Variants in LRRTM4 observed in about 807,000 individuals in gnomAD.
The protein encoded by LRRTM4 is leucine rich repeat transmembrane neuronal 4.
LRRTM4 carries 25 observed loss-of-function variants against 47.6 expected under a neutral mutation model. The ratio of observed to expected loss-of-function variants is 0.53; its 90% CI spans 0.38 to 0.73. LRRTM4 has a LOEUF of 0.73. Ranked by LOEUF, LRRTM4 falls within the 30% of genes least tolerant of loss-of-function variation. The pLI is 0.00. For synonymous variants in LRRTM4, 311 were observed against 269.5 expected, an observed-to-expected ratio of 1.15 and a Z score of -1.51; for missense variants, 638 against 713.4, an observed-to-expected ratio of 0.89 and a Z score of 1.20.
chr2:77,499,006 G>A (rs950972276), intron 3 of LRRTM4, among the ~76,000 whole-genome samples: 3 of 151,846 alleles, frequency 2.0e-5, no homozygotes, highest in African/African-American at 4.8e-5. Context: ...GAATGCAAGT[G>A]AACCTTCCTT....
chr2:76,795,495 C>A (rs1379011112), intron 3 of LRRTM4, among the ~76,000 whole-genome samples: 1 of 151,986 alleles, frequency 6.6e-6, no homozygotes, highest in Non-Finnish European at 1.5e-5. Context: ...TGTTAATAAT[C>A]TGGTGAGTAT....
At chr2:77,498,045 C>A (rs1206052313) in intron 3 of LRRTM4, among the ~76,000 whole-genome samples, 1 of 151,716 alleles carries the variant, frequency 6.6e-6, no homozygotes, top group Admixed American at 6.6e-5. Flanking sequence ...CATGGCAGGG[C>A]TAGTGTTTAA....
At chr2:77,377,341 G>T (rs977132162) in intron 3 of LRRTM4, among the ~76,000 whole-genome samples, 4 of 151,792 alleles carry the variant, frequency 2.6e-5, no homozygotes, top group African/African-American at 4.8e-5. Context: ...GCTCACTATT[G>T]ATATGTGTAT....
At chr2:77,368,777 T>A (rs1311891292) in intron 3 of LRRTM4, among the ~76,000 whole-genome samples, 1 of 151,728 alleles carries the variant, frequency 6.6e-6, no homozygotes, top group East Asian at 1.9e-4. Flanking sequence ...ACGTATCGGC[T>A]GTAGTGAATA....
intron 3 of LRRTM4, among the ~76,000 whole-genome samples, chr2:77,459,376 G>T (rs1676687217): frequency 6.6e-6 from 1 of 152,136 alleles, no homozygotes; most frequent in Non-Finnish European, 1.5e-5. Context: ...ATTAAAATTA[G>T]AATTATTTTC....
At chr2:77,467,476 T>C (rs1204023086) in intron 3 of LRRTM4, among the ~76,000 whole-genome samples, 1 of 152,160 alleles carries the variant, frequency 6.6e-6, no homozygotes, top group African/African-American at 2.4e-5. Flanking sequence ...TGGATGAAAT[T>C]CCACTTCAGA....
At chr2:77,080,962 C>A (rs943970926) in intron 3 of LRRTM4, among the ~76,000 whole-genome samples, 5 of 152,154 alleles carry the variant, frequency 3.3e-5, no homozygotes, top group Non-Finnish European at 7.4e-5. Flanking sequence ...CACATCCCCA[C>A]TTCCCAACCA....
intron 3 of LRRTM4, among the ~76,000 whole-genome samples, chr2:76,924,944 C>A (rs1674542339): frequency 6.6e-6 from 1 of 152,076 alleles, no homozygotes; most frequent in African/African-American, 2.4e-5. Flanking sequence ...AAGCACAGTT[C>A]CAGGAAGACC....
At position 77,438,519 on chromosome 2, in the gene LRRTM4, T is replaced by G. The variant is rs559277445; in HGVS notation, c.1551+79799A>C. ...CCTCCCGGGTTCACGCCATTCTCCT[T>G]CCTCAGCCTCCCGAATAGCTGGGAC... On this transcript the variant is annotated intron_variant, in intron 3 of 3. Transcript: ENST00000409884. Among the ~76,000 whole-genome samples, 242 of 149,284 alleles carry G rather than the reference T, an allele frequency of 1.6e-3. 2 individuals carry two copies. Among genetic ancestry groups the G allele is most frequent in the African/African-American group, 2.2e-3 (87 of 40,354 alleles).
chr2:76,783,547 C>T (rs1674509653), intron 3 of LRRTM4, among the ~76,000 whole-genome samples: 1 of 152,124 alleles, frequency 6.6e-6, no homozygotes, highest in African/African-American at 2.4e-5. Context: ...CCCGTATTCT[C>T]CCTCCCTGGC....
At chr2:76,800,129 G>A (rs1262232651) in intron 3 of LRRTM4, among the ~76,000 whole-genome samples, 1 of 145,898 alleles carries the variant, frequency 6.9e-6, no homozygotes, top group African/African-American at 2.5e-5. Flanking sequence ...AACCAAAAAA[G>A]AGCCCGCATC....
chr2:77,204,651 C>T (rs1674070241), intron 3 of LRRTM4, among the ~76,000 whole-genome samples: 1 of 152,134 alleles, frequency 6.6e-6, no homozygotes, highest in Non-Finnish European at 1.5e-5. Flanking sequence ...GATATTCTGC[C>T]ATTCCCAAAT....
At chr2:77,063,956 A>G (rs1385508848) in intron 3 of LRRTM4, among the ~76,000 whole-genome samples, 1 of 152,142 alleles carries the variant, frequency 6.6e-6, no homozygotes, top group African/African-American at 2.4e-5. Flanking sequence ...ATTTGGAAAA[A>G]TAGATTCAAA....
chr2:77,023,806 C>A (rs1024088039), intron 3 of LRRTM4, among the ~76,000 whole-genome samples: 1 of 152,164 alleles, frequency 6.6e-6, no homozygotes, highest in Non-Finnish European at 1.5e-5. Context: ...TTGGGCCCTC[C>A]AAACTGTTCC....
At chr2:77,381,250 C>T (rs1673039971) in intron 3 of LRRTM4, among the ~76,000 whole-genome samples, 1 of 151,760 alleles carries the variant, frequency 6.6e-6, no homozygotes, top group South Asian at 2.1e-4. Context: ...TTGAAAGCAC[C>T]AAAAATACAT....
rs76161726 is a variant in LRRTM4 at position 76,897,232 on chromosome 2, T to C, written c.1552-148316A>G. Among the ~76,000 whole-genome samples the C allele has an allele frequency of 8.8e-3, 1,345 of 152,232 alleles. 39 individuals are homozygous for C. Among genetic ancestry groups the C allele is most frequent in the South Asian group, 0.073 (355 of 4,832 alleles). Reference sequence around the variant, plus strand: ...GCGTCAATAATGCAATCACCTTCCATGCTGCATTTAGAGAAAACTTAGCTC... The same window carrying C: ...GCGTCAATAATGCAATCACCTTCCACGCTGCATTTAGAGAAAACTTAGCTC... On this transcript the variant is annotated intron_variant, in intron 3 of 3. Coordinates refer to ENST00000409884, the MANE Select transcript of LRRTM4 (RefSeq NM_001134745.3).
At chr2:77,466,618 T>C (rs1229094665) in intron 3 of LRRTM4, among the ~76,000 whole-genome samples, 1 of 151,838 alleles carries the variant, frequency 6.6e-6, no homozygotes, top group South Asian at 2.1e-4. Context: ...GCCAACCCAA[T>C]AAAATTCCAA....
At chr2:77,385,082 T>C (rs1365840340) in intron 3 of LRRTM4, among the ~76,000 whole-genome samples, 1 of 152,076 alleles carries the variant, frequency 6.6e-6, no homozygotes, top group East Asian at 1.9e-4. Flanking sequence ...GTTAGAAAGG[T>C]AAATAATAAC....
At chr2:77,011,078 T>C (rs939544066) in intron 3 of LRRTM4, among the ~76,000 whole-genome samples, 1 of 152,122 alleles carries the variant, frequency 6.6e-6, no homozygotes, top group Non-Finnish European at 1.5e-5. Flanking sequence ...GAGCCGTATC[T>C]AGAAAGAATA....
Sources: gnomAD v4.1 joint callset for allele counts (sites outside exome capture counted in the v4.1 genomes callset) on GRCh38, gnomAD v4.1.1 for gene constraint, MANE v1.5 for transcripts, NCBI Gene and HGNC (gene_info 2026-07-23, HGNC 2026-07-21) for gene names.